The following SULF2 variants were observed in gnomAD, a reference collection of about 807,000 sequenced individuals.
The protein encoded by SULF2 is extracellular sulfatase Sulf-2.
SULF2 carries 52 observed loss-of-function variants against 107.7 expected under a neutral mutation model. The observed-to-expected ratio is 0.48, with a 90% CI of 0.39 to 0.61. The LOEUF is 0.61. Among genes scored for constraint, SULF2 ranks in the 20% least tolerant of loss-of-function variants. The pLI, the probability that SULF2 is intolerant of heterozygous loss-of-function variation, is 0.00. For synonymous variants in SULF2, 460 were observed against 464.3 expected, an observed-to-expected ratio of 0.99 and a Z score of 0.12; for missense variants, 993 against 1,177.3, an observed-to-expected ratio of 0.84 and a Z score of 2.29.
intron 7 of SULF2, among the ~76,000 whole-genome samples, chr20:47,681,848 C>T (rs2087832917): frequency 6.6e-6 from 1 of 152,172 alleles, no homozygotes; most frequent in South Asian, 2.1e-4. Flanking sequence ...CCATGTCCAG[C>T]TAATCTTTGT....
intron 1 of SULF2, 62 bp from the exon 2 acceptor site, chr20:47,757,525 CATA>C (rs2051982307): frequency 1.2e-6 from 1 of 810,256 alleles, no homozygotes; most frequent in Non-Finnish European, 1.9e-6. Context: ...CTCATTCTTG[CATA>C]ATGATTTGTA....
At chr20:47,659,811 A>C in intron 18 of SULF2, 81 bp from the exon 19 acceptor site, 1 of 1,120,186 alleles carries the variant, frequency 8.9e-7, no homozygotes, top group Non-Finnish European at 1.3e-6. Context: ...AAACCATCTT[A>C]TGCTTTTTTG....
In SULF2 at chr20:47,665,890, G is replaced by A; in HGVS notation, c.1869C>T (p.Ala623=). The change falls in exon 13 of 21, where the codon GCC becomes GCT. Residue 623 remains alanine (A), a synonymous_variant. Transcript: ENST00000688720. The stretch of plus-strand genomic sequence containing the variant: ...CGATGTGCAGCTTGTGGTCTTTCCA[G>A]GCCTGCAGGGACTTGTACAGGTCCA... ...CDLDLYKSLQ[A]WKDHKLHIDH... is the part of the protein sequence containing the mutation. 1 of 1,614,074 alleles carries A rather than the reference G, an allele frequency of 6.2e-7. No homozygotes were observed. The highest frequency in any genetic ancestry group is 8.5e-7 in the Non-Finnish European group (1 of 1,180,026).
chr20:47,744,227 G>A (rs1469089058), intron 2 of SULF2, among the ~76,000 whole-genome samples: 1 of 152,090 alleles, frequency 6.6e-6, no homozygotes, highest in East Asian at 1.9e-4. Flanking sequence ...CTGTCTTTCA[G>A]GCTGGAGTGC....
rs1051837912 is a variant in SULF2, at chr20:47,688,613, G to T, written c.737+1513C>A. ...GATGAGTTCTAAGTGGCGGTAGGGCGGGGTGCCGGCTGCTGGGGGAGGCTG... is the reference window on the plus strand; with the variant it reads ...GATGAGTTCTAAGTGGCGGTAGGGCTGGGTGCCGGCTGCTGGGGGAGGCTG... On this transcript the variant is annotated intron_variant, in intron 5 of 20. Transcript: ENST00000688720. Among the ~76,000 whole-genome samples, 2 of 152,290 alleles carry T rather than the reference G, an allele frequency of 1.3e-5. 1 individual carries two copies. The highest frequency in any genetic ancestry group is 1.3e-4 in the Admixed American group (2 of 15,298).
chr20:47,687,304 C>T (rs930143178), intron 5 of SULF2, among the ~76,000 whole-genome samples: 6 of 152,152 alleles, frequency 3.9e-5, no homozygotes, highest in African/African-American at 1.2e-4. Context: ...AAGCCAGGCT[C>T]CCCCAGGGAG....
chr20:47,703,831 C>T (rs1044224608), intron 3 of SULF2, among the ~76,000 whole-genome samples: 2 of 152,118 alleles, frequency 1.3e-5, no homozygotes, highest in Admixed American at 6.5e-5. Context: ...GAAACTTGAA[C>T]GAAAGACCTA....
chr20:47,706,156 C>T (rs539483172), intron 3 of SULF2, among the ~76,000 whole-genome samples: 65 of 152,222 alleles, frequency 4.3e-4, no homozygotes, highest in African/African-American at 1.5e-3. Flanking sequence ...CAGCATCTCA[C>T]CCCTCAGGTC....
chr20:47,667,145 T>C (rs1311862398), intron 11 of SULF2, among the ~76,000 whole-genome samples: 1 of 152,184 alleles, frequency 6.6e-6, no homozygotes, highest in East Asian at 1.9e-4. Flanking sequence ...GAACTTCACC[T>C]CAATTAAAAA....
chr20:47,744,930 A>G (rs1462202910), intron 2 of SULF2, among the ~76,000 whole-genome samples: 1 of 152,106 alleles, frequency 6.6e-6, no homozygotes, highest in African/African-American at 2.4e-5. Flanking sequence ...CTACAAATGA[A>G]TATGTGTGTG....
intron 3 of SULF2, among the ~76,000 whole-genome samples, chr20:47,704,036 G>A (rs927113360): frequency 1.3e-5 from 2 of 152,196 alleles, no homozygotes; most frequent in Non-Finnish European, 1.5e-5. Flanking sequence ...GCAGCAAGGG[G>A]AGTTTCTCGG....
chr20:47,782,791 C>T (rs2090855794), intron 1 of SULF2, among the ~76,000 whole-genome samples: 3 of 152,112 alleles, frequency 2.0e-5, no homozygotes, highest in Non-Finnish European at 4.4e-5. Context: ...TTCCTTGGGG[C>T]AAAAAACCTC....
At chr20:47,744,913 T>C (rs1388752074) in intron 2 of SULF2, among the ~76,000 whole-genome samples, 2 of 152,136 alleles carry the variant, frequency 1.3e-5, no homozygotes, top group African/African-American at 4.8e-5. Flanking sequence ...TTAAAAGGGT[T>C]CAGCTGCTAC....
intron 1 of SULF2, among the ~76,000 whole-genome samples, chr20:47,772,658 T>C (rs6094833): frequency 0.6 from 90,491 of 151,676 alleles, 27,799 homozygotes; most frequent in East Asian, 0.9. Context: ...GTCCAGGCCC[T>C]ACCCCGTCTC....
chr20:47,723,890 A>C (rs1425443348), intron 3 of SULF2, among the ~76,000 whole-genome samples: 4 of 152,190 alleles, frequency 2.6e-5, no homozygotes, highest in African/African-American at 9.7e-5. Context: ...ATCCCAAAAC[A>C]TCCCTCACCC....
At chr20:47,749,814 C>A (rs768582878) in intron 2 of SULF2, among the ~76,000 whole-genome samples, 2 of 152,218 alleles carry the variant, frequency 1.3e-5, no homozygotes, top group Non-Finnish European at 2.9e-5. Flanking sequence ...CAGTAAAGCA[C>A]AAACAAGCAC....
intron 2 of SULF2, among the ~76,000 whole-genome samples, chr20:47,737,802 G>C (rs2089781057): frequency 9.5e-6 from 1 of 105,070 alleles, no homozygotes; most frequent in Admixed American, 1.5e-4. Flanking sequence ...TTGCTCTGTT[G>C]CCCAGGCTGG....
At chr20:47,741,379 GC>G (rs1217045377) in intron 2 of SULF2, among the ~76,000 whole-genome samples, 1 of 151,896 alleles carries the variant, frequency 6.6e-6, no homozygotes, top group African/African-American at 2.4e-5. Flanking sequence ...CTCCCCCGGA[GC>G]CCCGCAGCGG....
At chr20:47,776,555 G>A (rs187367092) in intron 1 of SULF2, among the ~76,000 whole-genome samples, 3 of 152,250 alleles carry the variant, frequency 2.0e-5, no homozygotes, top group African/African-American at 2.4e-5. Flanking sequence ...GGCTGTGACC[G>A]CTGTTCTTTC....
Sources: gnomAD v4.1 joint callset for allele counts (sites outside exome capture counted in the v4.1 genomes callset) on GRCh38, gnomAD v4.1.1 for gene constraint, MANE v1.5 for transcripts, NCBI Gene and HGNC (gene_info 2026-07-23, HGNC 2026-07-21) for gene names.